PXDNL: variants seen among roughly 807,000 people sequenced by gnomAD.
The protein encoded by PXDNL is peroxidasin like.
Under a neutral mutation model 150.8 loss-of-function variants are expected in PXDNL, and 145 were observed. The ratio of observed to expected loss-of-function variants is 0.96; its 90% CI spans 0.84 to 1.10. The LOEUF is 1.10. PXDNL is among the 50% of genes least tolerant of loss of function. The pLI is 0.00. For synonymous variants in PXDNL, 757 were observed against 725.7 expected (o/e 1.04, Z -0.69); for missense variants, 2,087 against 1,873.9 (o/e 1.11, Z -2.10).
intron 2 of PXDNL, among the ~76,000 whole-genome samples, chr8:51,641,301 C>A (rs1402152925): frequency 6.6e-6 from 1 of 151,082 alleles, no homozygotes; most frequent in Non-Finnish European, 1.5e-5. Flanking sequence ...TGGGCAAGGA[C>A]TTCATGTCTA....
chr8:51,579,389 G>C (rs1176092891), intron 3 of PXDNL, among the ~76,000 whole-genome samples: 3 of 151,978 alleles, frequency 2.0e-5, no homozygotes, highest in Non-Finnish European at 4.4e-5. Context: ...AACTAGAACT[G>C]CAATGAGATA....
intron 17 of PXDNL, among the ~76,000 whole-genome samples, chr8:51,382,677 C>T (rs1312832851): frequency 6.6e-6 from 1 of 151,962 alleles, no homozygotes; most frequent in East Asian, 1.9e-4. Context: ...TACACCCCTG[C>T]ATTACTTCTT....
intron 1 of PXDNL, among the ~76,000 whole-genome samples, chr8:51,668,361 G>C (rs1369559019): frequency 1.3e-5 from 2 of 151,728 alleles, no homozygotes; most frequent in Non-Finnish European, 2.9e-5. Flanking sequence ...TTTTAGTAGA[G>C]ATGGTGTTTC....
chr8:51,379,752 TTC>T (rs1563382966), intron 17 of PXDNL, among the ~76,000 whole-genome samples: 2 of 152,172 alleles, frequency 1.3e-5, no homozygotes, highest in Admixed American at 1.3e-4. Context: ...CATAGAGATA[TTC>T]TCTTTTATTT....
intron 1 of PXDNL, among the ~76,000 whole-genome samples, chr8:51,656,562 C>T (rs1189906804): frequency 1.3e-5 from 2 of 152,124 alleles, no homozygotes; most frequent in African/African-American, 4.8e-5. Flanking sequence ...TCTCCTCTTG[C>T]ATTAAACAAT....
intron 3 of PXDNL, among the ~76,000 whole-genome samples, chr8:51,589,378 A>G (rs530180012): frequency 1.6e-4 from 24 of 152,330 alleles, no homozygotes; most frequent in Admixed American, 5.9e-4. Flanking sequence ...AGTAGGCTAG[A>G]AAAACCCTAG....
At chr8:51,533,978 G>C (rs1811980492) in intron 4 of PXDNL, among the ~76,000 whole-genome samples, 1 of 150,094 alleles carries the variant, frequency 6.7e-6, no homozygotes, top group Non-Finnish European at 1.5e-5. Flanking sequence ...TCTCTGCCTG[G>C]CTGCCCAGTC....
intron 1 of PXDNL, among the ~76,000 whole-genome samples, chr8:51,661,455 A>G (rs1178173879): frequency 6.6e-6 from 1 of 152,236 alleles, no homozygotes; most frequent in Non-Finnish European, 1.5e-5. Context: ...TGAGTAAAGC[A>G]GATCACGCTC....
At chr8:51,760,844 A>ATTTTTTTTT (rs1563312827) in intron 1 of PXDNL, among the ~76,000 whole-genome samples, 2 of 48,032 alleles carry the variant, frequency 4.2e-5, no homozygotes, top group South Asian at 7.9e-4. Context: ...AATCACTTAA[A>ATTTTTTTTT]CTTTTTTTTT....
intron 5 of PXDNL, among the ~76,000 whole-genome samples, chr8:51,495,540 A>C (rs1374773124): frequency 6.6e-6 from 1 of 152,218 alleles, no homozygotes; most frequent in Non-Finnish European, 1.5e-5. Context: ...TAGCAAGACT[A>C]ATAAAGAAGA....
intron 1 of PXDNL, among the ~76,000 whole-genome samples, chr8:51,778,936 A>G (rs2037383904): frequency 1.3e-5 from 2 of 152,182 alleles, no homozygotes; most frequent in Admixed American, 1.3e-4. Context: ...AGATTTAAAA[A>G]CTGACAATCT....
intron 1 of PXDNL, among the ~76,000 whole-genome samples, chr8:51,727,929 A>G (rs532354958): frequency 6.6e-6 from 1 of 152,352 alleles, no homozygotes; most frequent in African/African-American, 2.4e-5. Flanking sequence ...TATTTTCTCT[A>G]AAGTTTTCCT....
intron 2 of PXDNL, among the ~76,000 whole-genome samples, chr8:51,627,453 A>G (rs1329443004): frequency 6.6e-6 from 1 of 152,256 alleles, no homozygotes; most frequent in Non-Finnish European, 1.5e-5. Context: ...AATATCAATT[A>G]TGCACTACTA....
At chr8:51,744,020 G>A (rs2036938385) in intron 1 of PXDNL, among the ~76,000 whole-genome samples, 1 of 118,934 alleles carries the variant, frequency 8.4e-6, no homozygotes, top group Non-Finnish European at 1.8e-5. Context: ...GAGAAAGAAA[G>A]AAGAAGAGGG....
chr8:51,452,498 A>C (rs1809828122), intron 10 of PXDNL, among the ~76,000 whole-genome samples: 1 of 152,204 alleles, frequency 6.6e-6, no homozygotes, highest in Non-Finnish European at 1.5e-5. Flanking sequence ...AAACAGTTCA[A>C]TTTAGAAAAC....
chr8:51,470,947 A>G (rs764412693), intron 8 of PXDNL, among the ~76,000 whole-genome samples: 14 of 152,108 alleles, frequency 9.2e-5, no homozygotes, highest in South Asian at 2.1e-4. Context: ...TGACGAAAAC[A>G]TGAAAAGCAA....
Position 51,426,117 on chromosome 8 carries a change from A to C in PXDNL, c.1638+529T>G, listed in dbSNP as rs149613089. Among the ~76,000 whole-genome samples the C allele has an allele frequency of 2.4e-3, 370 of 152,330 alleles. 2 individuals are homozygous for C. Among genetic ancestry groups the C allele is most frequent in the African/African-American group, 8.6e-3 (359 of 41,580 alleles). On this transcript the variant is annotated intron_variant, in intron 13 of 22. Transcript: ENST00000356297. ...CCATTTTGTTTTGATGAAAAACTTA[A>C]AACAGAAGAAGCAGTTATGTTGGAA...
In PXDNL at chr8:51,654,670, A is replaced by G. The variant is rs1015238789; in HGVS notation, c.236+19T>C. 6.3e-7 allele frequency: 1 copy of G among 1,594,382 alleles called. No homozygotes were observed. The highest frequency in any genetic ancestry group is 8.6e-7 in the Non-Finnish European group (1 of 1,163,068). ...GCATATAATTTTAGGAACCTTACAG[A>G]TAAGCAATAAGTACTCACAGTGTGT... On this transcript the variant is annotated intron_variant, in intron 2 of 22. Transcript: ENST00000356297.
chr8:51,528,991 A>C (rs1311103225), intron 4 of PXDNL, among the ~76,000 whole-genome samples: 1 of 152,216 alleles, frequency 6.6e-6, no homozygotes, highest in Non-Finnish European at 1.5e-5. Flanking sequence ...TGTATTGTTT[A>C]AGATGCTATG....
Sources: gnomAD v4.1 joint callset for allele counts (sites outside exome capture counted in the v4.1 genomes callset) on GRCh38, gnomAD v4.1.1 for gene constraint, MANE v1.5 for transcripts, NCBI Gene and HGNC (gene_info 2026-07-23, HGNC 2026-07-21) for gene names.